The following FOXP1 variants were observed in gnomAD, a reference collection of about 807,000 sequenced individuals.
FOXP1 encodes forkhead box protein P1.
FOXP1 carries 15 observed loss-of-function variants against 98.2 expected under a neutral mutation model. The ratio of observed to expected loss-of-function variants is 0.15; its 90% confidence interval spans 0.10 to 0.24. The LOEUF is 0.24. Among genes scored for constraint, FOXP1 ranks in the 10% least tolerant of loss-of-function variants. FOXP1 has a pLI of 1.00. For missense variants in FOXP1, 633 were observed against 848.5 expected, an observed-to-expected ratio of 0.75 and a Z score of 3.15; for synonymous variants, 371 against 314.5, an observed-to-expected ratio of 1.18 and a Z score of -1.90.
At chr3:70,991,738 C>A (rs2040631907) in intron 13 of FOXP1, among the ~76,000 whole-genome samples, 1 of 152,132 alleles carries the variant, frequency 6.6e-6, no homozygotes, top group African/African-American at 2.4e-5. Flanking sequence ...ATTTCAAATC[C>A]ATTAATCCTA....
chr3:71,326,715 G>C (rs2075714066), intron 4 of FOXP1, among the ~76,000 whole-genome samples: 1 of 152,056 alleles, frequency 6.6e-6, no homozygotes, highest in Admixed American at 6.6e-5. Flanking sequence ...GTATTAGGTG[G>C]GTAAATATTT....
chr3:71,261,795 T>C (rs2069163648), intron 5 of FOXP1, among the ~76,000 whole-genome samples: 1 of 152,166 alleles, frequency 6.6e-6, no homozygotes, highest in Admixed American at 6.5e-5. Context: ...TTACCTTATT[T>C]GAATCACTGC....
At chr3:71,476,551 C>T (rs957413270) in intron 3 of FOXP1, among the ~76,000 whole-genome samples, 6 of 151,932 alleles carry the variant, frequency 3.9e-5, no homozygotes, top group East Asian at 3.9e-4. Context: ...ATTGCAATGG[C>T]GCGATCTCAG....
Position 71,328,526 on chromosome 3 carries a change from G to A in FOXP1, c.-72-28646C>T, listed in dbSNP as rs191932846. Among the ~76,000 whole-genome samples, 7 of 152,356 alleles carry A rather than the reference G, an allele frequency of 4.6e-5. No individual in the cohort carries two copies. The South Asian group carries it at 1.4e-3, about 32-fold the overall frequency. ...ACTTCATGCCTCAGAGGAACACAAT[G>A]TGTGACTTTTCTGGGCTTCCTTCTT... On this transcript the variant is annotated intron_variant, in intron 4 of 20. Coordinates refer to ENST00000649528, the MANE Select transcript of FOXP1 (RefSeq NM_001349338.3).
At chr3:71,251,015 T>C (rs1389178637) in intron 5 of FOXP1, among the ~76,000 whole-genome samples, 1 of 152,236 alleles carries the variant, frequency 6.6e-6, no homozygotes, top group Non-Finnish European at 1.5e-5. Flanking sequence ...TTTCATCAAA[T>C]TTAAGTAAAA....
At chr3:71,015,274 C>T (rs1050520325) in intron 12 of FOXP1, among the ~76,000 whole-genome samples, 6 of 152,044 alleles carry the variant, frequency 3.9e-5, no homozygotes, top group Non-Finnish European at 8.8e-5. Flanking sequence ...ATACTGGAAT[C>T]GTTTTTTTTA....
intron 3 of FOXP1, among the ~76,000 whole-genome samples, chr3:71,430,914 C>A (rs985053640): frequency 3.3e-5 from 5 of 152,142 alleles, no homozygotes; most frequent in Non-Finnish European, 7.3e-5. Flanking sequence ...AACGCAGTAG[C>A]CACAACCACC....
intron 5 of FOXP1, among the ~76,000 whole-genome samples, chr3:71,263,840 GC>G (rs2069390248): frequency 6.6e-6 from 1 of 151,726 alleles, no homozygotes; most frequent in African/African-American, 2.4e-5. Context: ...GACTTCCCAG[GC>G]TCAAATGATC....
intron 6 of FOXP1, among the ~76,000 whole-genome samples, chr3:71,158,111 G>GGAAGGAAGGGAGGGAGGGAGGGAGGGAA (rs1560038283): frequency 3.5e-5 from 2 of 57,910 alleles, no homozygotes; most frequent in African/African-American, 6.6e-5. Context: ...AAGGAAGGGA[G>GGAAGGAAGGGAGGGAGGGAGGGAGGGAA]GGAGGGAGGG....
Position 71,408,605 on chromosome 3 carries a change from T to C in FOXP1, c.-167-49361A>G, listed in dbSNP as rs117567927. ...GAACAGAGCATCTGATCACATTTTA[T>C]TGACTAAAGCGGAAGCATTTAGATG... On this transcript the variant is annotated intron_variant, in intron 3 of 20. Transcript: ENST00000649528. Among the ~76,000 whole-genome samples, 3 of 152,340 alleles carry C rather than the reference T, an allele frequency of 2.0e-5. No individual in the cohort carries two copies. In the East Asian group the frequency reaches 5.8e-4, roughly 29 times the overall value.
intron 2 of FOXP1, among the ~76,000 whole-genome samples, chr3:71,549,534 C>T (rs2045612050): frequency 6.6e-6 from 1 of 152,152 alleles, no homozygotes; most frequent in Admixed American, 6.5e-5. Flanking sequence ...ACCATCACAC[C>T]TGGATAATTT....
chr3:71,515,100 G>A (rs1212544147), intron 2 of FOXP1, among the ~76,000 whole-genome samples: 2 of 152,128 alleles, frequency 1.3e-5, no homozygotes, highest in Non-Finnish European at 2.9e-5. Context: ...TTTAGTTTGT[G>A]AATTTTACGA....
chr3:71,153,908 T>C (rs912153791), intron 6 of FOXP1, among the ~76,000 whole-genome samples: 1 of 152,204 alleles, frequency 6.6e-6, no homozygotes, highest in Non-Finnish European at 1.5e-5. Flanking sequence ...ATAACATTTA[T>C]TGGGCCCCTA....
intron 2 of FOXP1, among the ~76,000 whole-genome samples, chr3:71,494,569 T>C (rs1206831073): frequency 2.6e-5 from 4 of 152,192 alleles, no homozygotes; most frequent in African/African-American, 7.2e-5. Flanking sequence ...AGGAAAGGCT[T>C]CCATTCCTCT....
rs538691579 is a variant in FOXP1, at chr3:71,248,616, A to G, written c.-11-50224T>C. On this transcript the variant is annotated intron_variant, in intron 5 of 20. Coordinates refer to ENST00000649528, the MANE Select transcript of FOXP1 (RefSeq NM_001349338.3). The stretch of plus-strand genomic sequence containing the variant: ...ATTAGCCAGGCATAGTGGCGCGCAC[A>G]TGTAATCCCAGCTACTCGGGTGGCT... Among the ~76,000 whole-genome samples, 3 of 152,078 alleles carry G rather than the reference A, an allele frequency of 2.0e-5. No individual in the cohort carries two copies. In the East Asian group the frequency reaches 5.8e-4, roughly 29 times the overall value.
intron 5 of FOXP1, among the ~76,000 whole-genome samples, chr3:71,282,009 G>A (rs1161090376): frequency 6.6e-6 from 1 of 151,956 alleles, no homozygotes; most frequent in Non-Finnish European, 1.5e-5. Flanking sequence ...TCAAGAGGCT[G>A]AGAGGGGAAG....
chr3:71,509,602 G>C (rs2042054194), intron 2 of FOXP1, among the ~76,000 whole-genome samples: 1 of 152,300 alleles, frequency 6.6e-6, no homozygotes, highest in Admixed American at 6.5e-5. Flanking sequence ...CTCCTGAAAG[G>C]ACAAGCTAGG....
chr3:71,416,584 ACACACACACG>A (rs759134648), intron 3 of FOXP1, among the ~76,000 whole-genome samples: 21 of 130,852 alleles, frequency 1.6e-4, no homozygotes, highest in Non-Finnish European at 3.4e-4. Context: ...ACACACACAC[ACACACACACG>A]CAAAAAAAAA....
At chr3:71,066,588 C>A (rs2052546292) in intron 7 of FOXP1, among the ~76,000 whole-genome samples, 1 of 152,096 alleles carries the variant, frequency 6.6e-6, no homozygotes, top group Non-Finnish European at 1.5e-5. Context: ...AGAGCCCCAA[C>A]GGCAGGAAAT....
Sources: allele counts gnomAD v4.1 joint callset (sites outside exome capture counted in the v4.1 genomes callset), GRCh38; gene constraint gnomAD v4.1.1; transcripts MANE v1.5; gene names NCBI Gene and HGNC (gene_info 2026-07-23, HGNC 2026-07-21).